Variants in TENM2 observed in about 807,000 individuals in gnomAD.
The protein encoded by TENM2 is teneurin transmembrane protein 2, also known as teneurin-2.
Under a neutral mutation model 245.2 loss-of-function variants are expected in TENM2, and 52 were observed. The observed-to-expected ratio is 0.21, with a 90% CI of 0.17 to 0.27. TENM2 has a LOEUF of 0.27. Ranked by LOEUF, TENM2 falls within the 10% of genes least tolerant of loss-of-function variation. The probability of loss-of-function intolerance (pLI) is 1.00; values close to 1 mark genes in which losing one functional copy is unlikely to be tolerated. For missense variants in TENM2, 3,046 were observed against 3,666.8 expected (o/e 0.83, Z 4.37); for synonymous variants, 1,363 against 1,438.9 (o/e 0.95, Z 1.19).
chr5:167,026,972 C>A, the TENM2 span, among the ~76,000 whole-genome samples: 46 of 152,100 alleles, frequency 3.0e-4, no homozygotes, highest in African/African-American at 1.0e-3. Context: ...ATCTAAGATG[C>A]TAGCAAAGCC....
At chr5:167,050,668 C>T in the TENM2 span, among the ~76,000 whole-genome samples, 4 of 152,100 alleles carry the variant, frequency 2.6e-5, no homozygotes, top group African/African-American at 7.2e-5. Flanking sequence ...AGAGAGGGGG[C>T]GCTGCTCAGA....
chr5:167,583,852 T>G (rs1993611), intron 2 of TENM2, among the ~76,000 whole-genome samples: 2,876 of 152,268 alleles, frequency 0.019, 102 homozygotes, highest in African/African-American at 0.066. Flanking sequence ...CTTTCCTAAC[T>G]GTGGCTTTGC....
At chr5:167,063,463 T>C in the TENM2 span, among the ~76,000 whole-genome samples, 1 of 152,216 alleles carries the variant, frequency 6.6e-6, no homozygotes, top group African/African-American at 2.4e-5. Flanking sequence ...ACGATGTCTG[T>C]GTATCTGCAT....
intron 2 of TENM2, among the ~76,000 whole-genome samples, chr5:167,497,904 C>T (rs1401269621): frequency 6.6e-6 from 1 of 151,944 alleles, no homozygotes; most frequent in Non-Finnish European, 1.5e-5. Context: ...AGCATCTATC[C>T]TTGTAATATG....
At chr5:167,213,539 G>A in the TENM2 span, among the ~76,000 whole-genome samples, 1 of 152,288 alleles carries the variant, frequency 6.6e-6, no homozygotes, top group South Asian at 2.1e-4. Flanking sequence ...AACGTATGAA[G>A]GCAGAGGGCA....
intron 8 of TENM2, among the ~76,000 whole-genome samples, chr5:168,093,349 A>C (rs545155711): frequency 6.6e-6 from 1 of 152,222 alleles, no homozygotes; most frequent in Non-Finnish European, 1.5e-5. Flanking sequence ...AGCAAGTCAA[A>C]GGTAATTGGC....
chr5:167,498,988 T>A (rs1361613877), intron 2 of TENM2, among the ~76,000 whole-genome samples: 1 of 152,122 alleles, frequency 6.6e-6, no homozygotes, highest in African/African-American at 2.4e-5. Context: ...TTAAAAAAAT[T>A]GTAACATATA....
chr5:167,682,531 A>G (rs1189098446), intron 2 of TENM2, among the ~76,000 whole-genome samples: 5 of 152,180 alleles, frequency 3.3e-5, no homozygotes, highest in African/African-American at 1.2e-4. Context: ...TCTTGATAAA[A>G]TGATTATCAA....
At position 167,596,919 on chromosome 5, in the gene TENM2, G is replaced by A. The variant is rs576255538; in HGVS notation, c.502+221446G>A. On this transcript the variant is annotated intron_variant, in intron 2 of 28. Coordinates refer to ENST00000518659, the Ensembl canonical transcript of TENM2. ...TCTCCAGCAATCAGTTCACCTTCGGGGGACACAAAACGTGGATAGAACTGG... is the reference window on the plus strand; with the variant it reads ...TCTCCAGCAATCAGTTCACCTTCGGAGGACACAAAACGTGGATAGAACTGG... Among the ~76,000 whole-genome samples the A allele has an allele frequency of 3.3e-5, 5 of 152,234 alleles. No individual in the cohort carries two copies. In the East Asian group the frequency reaches 9.7e-4, roughly 29 times the overall value.
chr5:167,097,933 C>T, the TENM2 span, among the ~76,000 whole-genome samples: 1 of 152,182 alleles, frequency 6.6e-6, no homozygotes, highest in African/African-American at 2.4e-5. Context: ...CCATTTCTAA[C>T]TTTCACTGGT....
the TENM2 span, among the ~76,000 whole-genome samples, chr5:167,180,538 G>A: frequency 1.3e-5 from 2 of 152,118 alleles, no homozygotes; most frequent in Non-Finnish European, 2.9e-5. Context: ...CAATACAGGG[G>A]TTAGTGTCAC....
chr5:167,351,618 T>A (rs1479858271), intron 1 of TENM2, among the ~76,000 whole-genome samples: 1 of 152,140 alleles, frequency 6.6e-6, no homozygotes, highest in African/African-American at 2.4e-5. Flanking sequence ...CATATAGAGG[T>A]GATGAAAACC....
At chr5:167,530,084 A>G (rs1771390976) in intron 2 of TENM2, among the ~76,000 whole-genome samples, 1 of 152,216 alleles carries the variant, frequency 6.6e-6, no homozygotes, top group African/African-American at 2.4e-5. Flanking sequence ...AATCTGCAGA[A>G]CAAACTGCTA....
the TENM2 span, among the ~76,000 whole-genome samples, chr5:167,031,199 C>G: frequency 6.6e-6 from 1 of 152,180 alleles, no homozygotes; most frequent in Admixed American, 6.5e-5. Flanking sequence ...GTGTTTAAGT[C>G]TAGGATTGAG....
intron 3 of TENM2, among the ~76,000 whole-genome samples, chr5:167,936,210 A>T (rs1778701921): frequency 6.6e-6 from 1 of 152,198 alleles, no homozygotes; most frequent in East Asian, 1.9e-4. Flanking sequence ...TAGTCCTGTT[A>T]ATGTCTCAAC....
chr5:166,993,623 G>A, the TENM2 span, among the ~76,000 whole-genome samples: 1 of 152,140 alleles, frequency 6.6e-6, no homozygotes, highest in Non-Finnish European at 1.5e-5. Context: ...GAGAAAAGAA[G>A]AGTAAATTAA....
chr5:167,314,989 A>C (rs1756270566), intron 1 of TENM2, among the ~76,000 whole-genome samples: 2 of 152,048 alleles, frequency 1.3e-5, no homozygotes, highest in South Asian at 4.1e-4. Context: ...TTAATCATTA[A>C]ACACCATTAA....
intron 19 of TENM2, among the ~76,000 whole-genome samples, chr5:168,207,333 C>T (rs1478136910): frequency 6.6e-6 from 1 of 152,140 alleles, no homozygotes; most frequent in Admixed American, 6.5e-5. Flanking sequence ...CCACGTCTCT[C>T]GAGTTGTGGA....
At chr5:167,726,811 A>T (rs377025069) in intron 2 of TENM2, among the ~76,000 whole-genome samples, 13 of 152,152 alleles carry the variant, frequency 8.5e-5, no homozygotes, top group East Asian at 5.8e-4. Context: ...TCTATGCCCA[A>T]ACCGTTGCTT....
Sources: gnomAD v4.1 joint callset for allele counts (sites outside exome capture counted in the v4.1 genomes callset) on GRCh38, gnomAD v4.1.1 for gene constraint, MANE v1.5 for transcripts, NCBI Gene and HGNC (gene_info 2026-07-23, HGNC 2026-07-21) for gene names.